The following SPATA13 variants were observed in gnomAD, a reference collection of about 807,000 sequenced individuals.
SPATA13 encodes the protein spermatogenesis-associated protein 13.
A neutral mutation model predicts 104.0 loss-of-function variants in SPATA13; 50 were observed. The ratio of observed to expected loss-of-function variants is 0.48; its 90% CI spans 0.38 to 0.61. The LOEUF (loss-of-function observed/expected upper bound fraction) is 0.61. Among genes scored for constraint, SPATA13 ranks in the 20% least tolerant of loss-of-function variants. SPATA13 has a pLI of 0.00. For missense variants in SPATA13, 1,524 were observed against 1,690.6 expected (o/e 0.90, Z 1.73); for synonymous variants, 606 against 667.5 (o/e 0.91, Z 1.42).
intron 2 of SPATA13, among the ~76,000 whole-genome samples, chr13:24,008,175 AT>A (rs1182309405): frequency 1.3e-5 from 2 of 152,246 alleles, no homozygotes; most frequent in Non-Finnish European, 2.9e-5. Flanking sequence ...CCCTCGGGTC[AT>A]TTATTGCACA....
intron 3 of SPATA13, among the ~76,000 whole-genome samples, chr13:24,130,772 C>T (rs9553196): frequency 0.57 from 86,415 of 151,334 alleles, 24,890 homozygotes; most frequent in African/African-American, 0.62. Context: ...ACAGAACCTG[C>T]AAACACGCTA....
Position 24,223,514 on chromosome 13 carries a change from G to A in SPATA13, c.585G>A (p.Arg195=). ...DLEDTDDAFQ[R]STHRSRSLRR... ...AGGACACGGACGATGCCTTCCAGCG[G>A]AGCACACACCGCTCCCGCAGCCTCC... The change falls in exon 2 of 13, where the codon CGG becomes CGA. Residue 195 remains arginine, a synonymous_variant. Coordinates refer to ENST00000382108, the MANE Select transcript of SPATA13 (RefSeq NM_001166271.3). 6.5e-7 allele frequency: 1 copy of A among 1,548,424 alleles called. No homozygotes were observed. The highest frequency in any genetic ancestry group is 8.7e-7 in the Non-Finnish European group (1 of 1,146,994).
At chr13:24,114,672 G>A (rs1171526087) in intron 3 of SPATA13, among the ~76,000 whole-genome samples, 2 of 151,420 alleles carry the variant, frequency 1.3e-5, no homozygotes, top group African/African-American at 2.4e-5. Context: ...TGTTGTTTTT[G>A]TTGTTTTGAG....
intron 1 of SPATA13, among the ~76,000 whole-genome samples, chr13:24,191,727 G>T (rs910860878): frequency 2.0e-5 from 3 of 151,792 alleles, no homozygotes; most frequent in East Asian, 1.9e-4. Flanking sequence ...AGCCAGGATG[G>T]TCTTGATCTC....
chr13:24,062,643 C>G (rs1878813419), intron 3 of SPATA13, among the ~76,000 whole-genome samples: 1 of 152,080 alleles, frequency 6.6e-6, no homozygotes, highest in Admixed American at 6.6e-5. Flanking sequence ...GTGTCTGGAA[C>G]TGTGTAAGGA....
chr13:24,174,546 T>C (rs929942977), intron 1 of SPATA13, among the ~76,000 whole-genome samples: 3 of 152,088 alleles, frequency 2.0e-5, no homozygotes, highest in African/African-American at 4.8e-5. Context: ...TTCAGTTAAA[T>C]ATATGATTAA....
At chr13:24,052,255 T>G (rs1055707825) in intron 3 of SPATA13, among the ~76,000 whole-genome samples, 1 of 152,174 alleles carries the variant, frequency 6.6e-6, no homozygotes, top group South Asian at 2.1e-4. Context: ...GAATTCTGAA[T>G]AGGCCTGGTG....
intron 1 of SPATA13, among the ~76,000 whole-genome samples, chr13:23,983,542 G>C (rs1875003691): frequency 2.0e-5 from 3 of 152,022 alleles, no homozygotes; most frequent in Non-Finnish European, 4.4e-5. Context: ...CTGTTGACCT[G>C]TTTCAATTGC....
chr13:24,148,048 C>T (rs1359904388), intron 3 of SPATA13, among the ~76,000 whole-genome samples: 1 of 152,212 alleles, frequency 6.6e-6, no homozygotes, highest in African/African-American at 2.4e-5. Context: ...ATAATGCTGC[C>T]ATGACTATGT....
chr13:24,087,390 G>C (rs1427611278), intron 3 of SPATA13, among the ~76,000 whole-genome samples: 2 of 152,250 alleles, frequency 1.3e-5, no homozygotes, highest in African/African-American at 4.8e-5. Flanking sequence ...AGACACAAGA[G>C]AAGAATCAAA....
At position 24,033,345 on chromosome 13, in the gene SPATA13, G is replaced by C. The variant is rs559726921; in HGVS notation, c.-112+15644G>C. Among the ~76,000 whole-genome samples, 40 of 152,312 alleles carry C rather than the reference G, an allele frequency of 2.6e-4. No homozygotes were observed. The South Asian group carries it at 5.6e-3, about 21-fold the overall frequency. Reference sequence around the variant, plus strand: ...GCTCCTTTCTATTTGTTTCTGATAGGGCCAGAGGGGCTCATTGCATTTCCC... The same window carrying C: ...GCTCCTTTCTATTTGTTTCTGATAGCGCCAGAGGGGCTCATTGCATTTCCC... On this transcript the variant is annotated intron_variant, in intron 3 of 14. Transcript: ENST00000424834.
chr13:24,213,058 G>A (rs769002910), intron 1 of SPATA13, among the ~76,000 whole-genome samples: 1 of 152,206 alleles, frequency 6.6e-6, no homozygotes, highest in Non-Finnish European at 1.5e-5. Context: ...TGCTTGGGTC[G>A]GCCCGTCTCC....
intron 1 of SPATA13, among the ~76,000 whole-genome samples, chr13:24,212,334 A>G (rs1871072748): frequency 6.6e-6 from 1 of 151,156 alleles, no homozygotes; most frequent in African/African-American, 2.4e-5. Flanking sequence ...AACAAACCAC[A>G]GGTACCTCAT....
At chr13:24,065,650 C>A (rs1878932705) in intron 3 of SPATA13, among the ~76,000 whole-genome samples, 1 of 152,098 alleles carries the variant, frequency 6.6e-6, no homozygotes. Flanking sequence ...CTAAATATAT[C>A]AACAATTTAT....
intron 3 of SPATA13, among the ~76,000 whole-genome samples, chr13:24,098,452 C>T (rs574233569): frequency 6.6e-6 from 1 of 152,044 alleles, no homozygotes; most frequent in Non-Finnish European, 1.5e-5. Flanking sequence ...AGAAAGTTAG[C>T]CAGGTGTGGT....
chr13:24,101,384 G>A (rs1880253341), intron 3 of SPATA13, among the ~76,000 whole-genome samples: 1 of 151,750 alleles, frequency 6.6e-6, no homozygotes, highest in African/African-American at 2.4e-5. Flanking sequence ...ATGGTTTAAT[G>A]CTAGCCCATG....
At chr13:24,125,419 C>T (rs1881176760) in intron 3 of SPATA13, among the ~76,000 whole-genome samples, 1 of 152,092 alleles carries the variant, frequency 6.6e-6, no homozygotes, top group Admixed American at 6.5e-5. Context: ...AGGCAGGAAC[C>T]AGGGGGCATG....
intron 3 of SPATA13, among the ~76,000 whole-genome samples, chr13:24,037,370 A>G (rs1312640519): frequency 6.6e-6 from 1 of 150,416 alleles, no homozygotes; most frequent in South Asian, 2.1e-4. Flanking sequence ...AAATTAAAAA[A>G]AAAAGAAAAG....
At chr13:24,281,760 C>T (rs1875540056) in intron 4 of SPATA13, among the ~76,000 whole-genome samples, 1 of 152,130 alleles carries the variant, frequency 6.6e-6, no homozygotes, top group African/African-American at 2.4e-5. Flanking sequence ...GCTTACAGGA[C>T]TGGGGCTGCC....
Sources: allele counts gnomAD v4.1 joint callset (sites outside exome capture counted in the v4.1 genomes callset), GRCh38; gene constraint gnomAD v4.1.1; transcripts MANE v1.5; gene names NCBI Gene and HGNC (gene_info 2026-07-23, HGNC 2026-07-21).